Variants in NRXN3 observed in about 807,000 individuals in gnomAD.
NRXN3 encodes neurexin 3.
Under a neutral mutation model 137.6 loss-of-function variants are expected in NRXN3, and 32 were observed. The ratio of observed to expected loss-of-function variants is 0.23; its 90% confidence interval spans 0.18 to 0.31. The LOEUF is 0.31. Ranked by LOEUF, NRXN3 falls within the 10% of genes least tolerant of loss-of-function variation. The pLI, the probability that NRXN3 is intolerant of heterozygous loss-of-function variation, is 1.00. For missense variants in NRXN3, 1,574 were observed against 2,062.5 expected, an observed-to-expected ratio of 0.76 and a Z score of 4.59; for synonymous variants, 798 against 784.5, an observed-to-expected ratio of 1.02 and a Z score of -0.29.
intron 8 of NRXN3, among the ~76,000 whole-genome samples, chr14:78,726,377 C>G (rs1284625041): frequency 2.0e-5 from 3 of 152,002 alleles, no homozygotes; most frequent in African/African-American, 7.2e-5. Flanking sequence ...GTGTGATGTT[C>G]CCCTCCCTGT....
chr14:79,725,955 A>T (rs1603450608), intron 19 of NRXN3, among the ~76,000 whole-genome samples: 1 of 152,150 alleles, frequency 6.6e-6, no homozygotes, highest in East Asian at 1.9e-4. Flanking sequence ...ACCTAGAAGC[A>T]CTTAAAGAAG....
intron 4 of NRXN3, among the ~76,000 whole-genome samples, chr14:78,476,051 ATAAAG>A (rs1360367123): frequency 1.3e-5 from 2 of 152,242 alleles, no homozygotes; most frequent in African/African-American, 4.8e-5. Flanking sequence ...CACAGTAAAA[ATAAAG>A]TAAATATAAT....
At chr14:79,469,229 T>C (rs2096468059) in intron 16 of NRXN3, among the ~76,000 whole-genome samples, 1 of 152,230 alleles carries the variant, frequency 6.6e-6, no homozygotes, top group Non-Finnish European at 1.5e-5. Flanking sequence ...TTTTATCCAT[T>C]CCTGCTCATT....
chr14:79,070,155 G>A (rs866013530), intron 15 of NRXN3, among the ~76,000 whole-genome samples: 1 of 152,192 alleles, frequency 6.6e-6, no homozygotes, highest in East Asian at 1.9e-4. Context: ...ATGTTTGTTC[G>A]GGATAGCACC....
chr14:79,339,114 T>C (rs551231325), intron 15 of NRXN3, among the ~76,000 whole-genome samples: 12 of 152,146 alleles, frequency 7.9e-5, no homozygotes, highest in African/African-American at 2.6e-4. Context: ...CAGCCTATGA[T>C]GAAGTGTTGC....
At chr14:79,856,052 A>G (rs1208582144) in intron 20 of NRXN3, among the ~76,000 whole-genome samples, 1 of 152,170 alleles carries the variant, frequency 6.6e-6, no homozygotes, top group African/African-American at 2.4e-5. Flanking sequence ...GGCTCATCTT[A>G]TTGTTGAAAA....
intron 1 of NRXN3, among the ~76,000 whole-genome samples, chr14:78,239,979 C>T (rs959330422): frequency 3.3e-5 from 5 of 152,354 alleles, no homozygotes; most frequent in Middle Eastern, 3.4e-3. Context: ...GCTGGGATTA[C>T]AGGCGCAAGC....
chr14:78,659,098 T>A (rs780230885), intron 6 of NRXN3, among the ~76,000 whole-genome samples: 9 of 152,168 alleles, frequency 5.9e-5, no homozygotes, highest in Admixed American at 2.0e-4. Flanking sequence ...TGAGGTCATA[T>A]GGATAGGCCC....
chr14:79,165,913 G>A (rs1172466495), intron 15 of NRXN3, among the ~76,000 whole-genome samples: 2 of 151,864 alleles, frequency 1.3e-5, no homozygotes, highest in African/African-American at 4.8e-5. Flanking sequence ...ACAACACCAC[G>A]AGCTTTTGAT....
At chr14:78,971,985 C>G (rs1249154521) in intron 14 of NRXN3, among the ~76,000 whole-genome samples, 1 of 152,094 alleles carries the variant, frequency 6.6e-6, no homozygotes, top group East Asian at 1.9e-4. Context: ...AATCTTGAAA[C>G]TAGTATTTGA....
intron 4 of NRXN3, among the ~76,000 whole-genome samples, chr14:78,517,256 T>C (rs2096222176): frequency 6.6e-6 from 1 of 152,158 alleles, no homozygotes; most frequent in Non-Finnish European, 1.5e-5. Context: ...AAAGGATGAT[T>C]GAGCTATTTA....
chr14:78,246,758 G>A (rs2067742919), intron 2 of NRXN3, among the ~76,000 whole-genome samples: 1 of 120,454 alleles, frequency 8.3e-6, no homozygotes, highest in Admixed American at 8.1e-5. Flanking sequence ...AATCACAGCA[G>A]CTGCTAAGTG....
At chr14:78,688,549 G>C (rs1482079018) in intron 6 of NRXN3, among the ~76,000 whole-genome samples, 1 of 152,110 alleles carries the variant, frequency 6.6e-6, no homozygotes, top group Non-Finnish European at 1.5e-5. Context: ...AATGGTCATA[G>C]ACAACTTTTG....
At chr14:78,313,227 T>C (rs938717639) in intron 4 of NRXN3, among the ~76,000 whole-genome samples, 2 of 152,216 alleles carry the variant, frequency 1.3e-5, no homozygotes, top group Non-Finnish European at 2.9e-5. Context: ...GCATGCCTTA[T>C]GCCCTTTCTG....
At chr14:78,987,145 G>T (rs996256501) in intron 14 of NRXN3, among the ~76,000 whole-genome samples, 4 of 151,232 alleles carry the variant, frequency 2.6e-5, no homozygotes, top group Non-Finnish European at 4.4e-5. Flanking sequence ...AAAAACAGAT[G>T]TGTGCCTCCC....
intron 8 of NRXN3, among the ~76,000 whole-genome samples, chr14:78,758,593 T>C (rs2098679354): frequency 1.3e-5 from 2 of 152,246 alleles, no homozygotes; most frequent in Admixed American, 6.5e-5. Context: ...ACAGCTCTTA[T>C]GTATTGCAGT....
At chr14:79,500,530 A>G (rs1289330257) in intron 16 of NRXN3, among the ~76,000 whole-genome samples, 2 of 152,226 alleles carry the variant, frequency 1.3e-5, no homozygotes, top group Non-Finnish European at 2.9e-5. Context: ...AGGAAGCATT[A>G]CTGCAACCTC....
chr14:78,972,824 C>T (rs1377103812), intron 14 of NRXN3: 1 of 152,240 alleles, frequency 6.6e-6, no homozygotes, highest in Admixed American at 6.5e-5. Context: ...CTGGTTTATT[C>T]TACCTCTTAC....
Position 79,641,347 on chromosome 14 carries a change from T to C in NRXN3, c.3445-22431T>C, listed in dbSNP as rs1028708336. 5.9e-5 allele frequency among the ~76,000 whole-genome samples: 8 copies of C among 135,590 alleles called. 1 individual carries two copies. The highest frequency in any genetic ancestry group is 2.0e-4 in the African/African-American group (8 of 40,760). 89.0% of individuals were successfully genotyped at this position (135,590 alleles called of 152,430 possible). ...GAGTAAAAGTTGCATGGTCGTTTTCTTGCATTTGGGTCACAGCTTCAGAAG... is the reference window on the plus strand; with the variant it reads ...GAGTAAAAGTTGCATGGTCGTTTTCCTGCATTTGGGTCACAGCTTCAGAAG... On this transcript the variant is annotated intron_variant, in intron 16 of 20. Coordinates refer to ENST00000335750, the MANE Select transcript of NRXN3 (RefSeq NM_001330195.2).
Sources: allele counts gnomAD v4.1 joint callset (sites outside exome capture counted in the v4.1 genomes callset), GRCh38; gene constraint gnomAD v4.1.1; transcripts MANE v1.5; gene names NCBI Gene and HGNC (gene_info 2026-07-23, HGNC 2026-07-21).